The following SUGCT variants were observed in gnomAD, a reference collection of about 807,000 sequenced individuals.
SUGCT encodes the protein succinyl-CoA:glutarate CoA-transferase.
Under a neutral mutation model 55.0 loss-of-function variants are expected in SUGCT, and 41 were observed. The ratio of observed to expected loss-of-function variants is 0.74; its 90% CI spans 0.58 to 0.97. The LOEUF (loss-of-function observed/expected upper bound fraction) is 0.97, where lower values mean the gene tolerates loss of function less well. Among genes scored for constraint, SUGCT ranks in the 50% least tolerant of loss-of-function variants. The pLI, the probability that SUGCT is intolerant of heterozygous loss-of-function variation, is 0.00. For missense variants in SUGCT, 568 were observed against 547.8 expected (o/e 1.04, Z -0.37); for synonymous variants, 187 against 200.4 (o/e 0.93, Z 0.56).
chr7:40,800,477 A>T (rs1392095764), intron 13 of SUGCT, among the ~76,000 whole-genome samples: 1 of 151,844 alleles, frequency 6.6e-6, no homozygotes, highest in Non-Finnish European at 1.5e-5. Context: ...TTTTTAGTAG[A>T]GACGGGGTTT....
the SUGCT span, among the ~76,000 whole-genome samples, chr7:40,880,954 A>G: frequency 2.0e-5 from 3 of 152,342 alleles, no homozygotes; most frequent in East Asian, 5.8e-4. Flanking sequence ...TGGTCCTTGA[A>G]AGCTATGCAG....
intron 10 of SUGCT, among the ~76,000 whole-genome samples, chr7:40,454,035 G>T (rs1287565844): frequency 6.6e-6 from 1 of 151,996 alleles, no homozygotes; most frequent in African/African-American, 2.4e-5. Flanking sequence ...CACCTCACTC[G>T]TTGAGCTCAA....
chr7:40,563,255 T>G (rs1795939619), intron 12 of SUGCT, among the ~76,000 whole-genome samples: 1 of 152,208 alleles, frequency 6.6e-6, no homozygotes, highest in Non-Finnish European at 1.5e-5. Context: ...TGTAAAAATT[T>G]TAGCTATTTT....
At chr7:40,356,249 C>T (rs559856607) in intron 9 of SUGCT, among the ~76,000 whole-genome samples, 7 of 152,270 alleles carry the variant, frequency 4.6e-5, no homozygotes, top group African/African-American at 1.2e-4. Flanking sequence ...ATGACTTTAC[C>T]GTCATAAAAG....
the SUGCT span, among the ~76,000 whole-genome samples, chr7:40,904,394 A>G: frequency 1.3e-5 from 2 of 152,180 alleles, no homozygotes; most frequent in Non-Finnish European, 2.9e-5. Flanking sequence ...GGTTCATCTG[A>G]TAGTTTAAGG....
intron 13 of SUGCT, among the ~76,000 whole-genome samples, chr7:40,841,283 C>A (rs1793269116): frequency 6.6e-6 from 1 of 152,062 alleles, no homozygotes; most frequent in African/African-American, 2.4e-5. Flanking sequence ...ATTTATAAAT[C>A]ATTATCTGAG....
intron 13 of SUGCT, among the ~76,000 whole-genome samples, chr7:40,792,503 C>T (rs763836506): frequency 3.3e-5 from 5 of 152,088 alleles, no homozygotes; most frequent in African/African-American, 7.2e-5. Context: ...GTTCTGATTC[C>T]GTATTGACCA....
chr7:40,604,348 G>A (rs950862787), intron 12 of SUGCT, among the ~76,000 whole-genome samples: 1 of 151,946 alleles, frequency 6.6e-6, no homozygotes, highest in African/African-American at 2.4e-5. Context: ...AATCTGCTTG[G>A]TTTATTTTGT....
intron 12 of SUGCT, among the ~76,000 whole-genome samples, chr7:40,563,246 G>C (rs1352799574): frequency 6.6e-6 from 1 of 152,132 alleles, no homozygotes; most frequent in Non-Finnish European, 1.5e-5. Flanking sequence ...TTGAAAATTT[G>C]TAAAAATTTT....
chr7:40,702,876 G>A (rs983172671), intron 12 of SUGCT, among the ~76,000 whole-genome samples: 7 of 152,086 alleles, frequency 4.6e-5, no homozygotes, highest in African/African-American at 1.4e-4. Flanking sequence ...CCAAAACTAC[G>A]TAACTCTCAA....
chr7:40,219,512 G>T (rs1356408061), intron 6 of SUGCT, among the ~76,000 whole-genome samples: 1 of 152,052 alleles, frequency 6.6e-6, no homozygotes, highest in Non-Finnish European at 1.5e-5. Context: ...AATGAAGGGG[G>T]GAGAAAGTGT....
intron 9 of SUGCT, among the ~76,000 whole-genome samples, chr7:40,410,903 T>A (rs1786637990): frequency 6.6e-6 from 1 of 152,166 alleles, no homozygotes; most frequent in Non-Finnish European, 1.5e-5. Context: ...ACAAAAAAAA[T>A]ATTAATCAGG....
At chr7:40,861,387 G>A (rs561166642), downstream of SUGCT, among the ~76,000 whole-genome samples, 78 of 152,302 alleles carry the variant, frequency 5.1e-4, no homozygotes, top group African/African-American at 1.7e-3. Flanking sequence ...TTAGCATTGA[G>A]TATTTCAATG....
At chr7:40,598,246 C>A (rs886294282) in intron 12 of SUGCT, among the ~76,000 whole-genome samples, 1 of 152,212 alleles carries the variant, frequency 6.6e-6, no homozygotes, top group Non-Finnish European at 1.5e-5. Context: ...ATACTGGAAC[C>A]ATGCCTTTCT....
chr7:41,012,431 A>G, the SUGCT span, among the ~76,000 whole-genome samples: 2,210 of 152,276 alleles, frequency 0.015, 51 homozygotes, highest in African/African-American at 0.051. Context: ...GTCTCTAGGA[A>G]CTGAAGTTTC....
chr7:40,519,678 G>A (rs1297583308), intron 12 of SUGCT, among the ~76,000 whole-genome samples: 1 of 151,860 alleles, frequency 6.6e-6, no homozygotes, highest in African/African-American at 2.4e-5. Context: ...ACATTTTAAT[G>A]GGCCAATGTA....
chr7:40,964,273 A>G, the SUGCT span, among the ~76,000 whole-genome samples: 1 of 152,222 alleles, frequency 6.6e-6, no homozygotes, highest in Non-Finnish European at 1.5e-5. Context: ...CTCCACTTAT[A>G]TCAAAGAGAG....
chr7:40,488,104 G>T (rs1791482852), intron 11 of SUGCT, among the ~76,000 whole-genome samples: 1 of 150,078 alleles, frequency 6.7e-6, no homozygotes, highest in Non-Finnish European at 1.5e-5. Flanking sequence ...TTCAGTCATT[G>T]TTTTGTAGTT....
intron 9 of SUGCT, among the ~76,000 whole-genome samples, chr7:40,369,950 G>A (rs6966371): frequency 0.96 from 145,985 of 152,170 alleles, 70,317 homozygotes; most frequent in East Asian, 1. Context: ...GGGGAATGGT[G>A]GTATGATACT....
Sources: allele counts gnomAD v4.1 joint callset (sites outside exome capture counted in the v4.1 genomes callset), GRCh38; gene constraint gnomAD v4.1.1; transcripts MANE v1.5; gene names NCBI Gene and HGNC (gene_info 2026-07-23, HGNC 2026-07-21).